The following EIF4EBP2 variants were observed in gnomAD, a reference collection of about 807,000 sequenced individuals.
EIF4EBP2 encodes the protein eukaryotic translation initiation factor 4E binding protein 2, also known as eukaryotic translation initiation factor 4E-binding protein 2.
EIF4EBP2 carries 5 observed loss-of-function variants against 10.3 expected under a neutral mutation model. That is an observed-to-expected ratio of 0.48 (90% CI 0.25 to 1.02). The LOEUF is 1.02. Among genes scored for constraint, EIF4EBP2 ranks in the 50% least tolerant of loss-of-function variants. The pLI is 0.15. For missense variants in EIF4EBP2, 188 were observed against 162.2 expected, an observed-to-expected ratio of 1.16 and a Z score of -0.86; for synonymous variants, 67 against 61.1, an observed-to-expected ratio of 1.10 and a Z score of -0.45.
rs917063020 is a variant in EIF4EBP2, at chr10:70,425,051, T to C, written c.*3304T>C. The C allele has an allele frequency of 6.6e-6, 1 of 152,248 alleles. No homozygotes were observed. Among genetic ancestry groups the C allele is most frequent in the Non-Finnish European group, 1.5e-5 (1 of 68,044 alleles). The allele number at this position is 152,248 out of a possible 1,614,324, so 9.4% of individuals were successfully genotyped here. The stretch of plus-strand genomic sequence containing the variant: ...GGTTCTGGCCCATGGTATCATGAAG[T>C]TACAGTCAAGATTGAACAGGGGCTG... On this transcript the variant is annotated 3_prime_UTR_variant, in exon 3 of 3. Coordinates refer to ENST00000373218, the MANE Select transcript of EIF4EBP2 (RefSeq NM_004096.5).
chr10:70,426,270 C>A lies in EIF4EBP2; in HGVS notation c.*4523C>A, dbSNP rs1174307022. On this transcript the variant is annotated 3_prime_UTR_variant, in exon 3 of 3. Transcript: ENST00000373218. ...TATCTTTTTCTTTCTTTCTTTCTTT[C>A]TTTTTTTCTGAGACAAGAGTTGCGC... 2 of 151,688 alleles carry A rather than the reference C, an allele frequency of 1.3e-5. No individual in the cohort carries two copies. Among genetic ancestry groups the A allele is most frequent in the Non-Finnish European group, 2.9e-5 (2 of 67,970 alleles). 9.4% of individuals were successfully genotyped at this position (151,688 alleles called of 1,614,324 possible).
At chr10:70,419,808 T>A (rs1845135347) in intron 1 of EIF4EBP2, 106 bp from the exon 2 acceptor site, 1 of 860,222 alleles carries the variant, frequency 1.2e-6, no homozygotes, top group Non-Finnish European at 1.8e-6. Flanking sequence ...AATTGTAAAA[T>A]CCTTAAAAGT....
Position 70,404,274 on chromosome 10 carries a change from G to T in EIF4EBP2, c.-128G>T. On this transcript the variant is annotated 5_prime_UTR_variant, in exon 1 of 3. Transcript: ENST00000373218. ...GGCGGCGGGAGCGGAGCGGGACGAG[G>T]GAACGGGAGGAAGCGAGCGAGGAGC... 8.1e-7 allele frequency: 1 copy of T among 1,229,610 alleles called. No homozygotes were observed. The highest frequency in any genetic ancestry group is 1.1e-6 in the Non-Finnish European group (1 of 941,932). 76.2% of individuals were successfully genotyped at this position (1,229,610 alleles called of 1,614,324 possible).
At chr10:70,412,814 C>T (rs1366219335) in intron 1 of EIF4EBP2, among the ~76,000 whole-genome samples, 2 of 152,066 alleles carry the variant, frequency 1.3e-5, no homozygotes, top group Admixed American at 1.3e-4. Flanking sequence ...AATATCTGGT[C>T]ACTAAGGGAT....
chr10:70,411,699 C>T (rs1405946555), intron 1 of EIF4EBP2, among the ~76,000 whole-genome samples: 3 of 152,166 alleles, frequency 2.0e-5, no homozygotes, highest in Non-Finnish European at 4.4e-5. Context: ...AGATGACCCT[C>T]TTGCCTCAGC....
At chr10:70,407,127 TGTTG>T (rs1283605400) in intron 1 of EIF4EBP2, among the ~76,000 whole-genome samples, 1 of 137,468 alleles carries the variant, frequency 7.3e-6, no homozygotes, top group African/African-American at 2.6e-5. Context: ...TTTTTTTTTT[TGTTG>T]TTGTTGATCA....
chr10:70,407,737 C>CCCCA (rs1844990768), intron 1 of EIF4EBP2, among the ~76,000 whole-genome samples: 1 of 143,398 alleles, frequency 7.0e-6, no homozygotes, highest in African/African-American at 2.6e-5. Context: ...CTGACCCCCC[C>CCCCA]CCCACCTCCC....
intron 2 of EIF4EBP2, among the ~76,000 whole-genome samples, chr10:70,420,357 G>A (rs1482186381): frequency 4.6e-5 from 7 of 151,998 alleles, no homozygotes; most frequent in Non-Finnish European, 7.4e-5. Context: ...CTGCCACCAC[G>A]CCTGGCAAAT....
Position 70,427,070 on chromosome 10 carries a change from C to T in EIF4EBP2, c.*5323C>T, listed in dbSNP as rs1174444270. 1.3e-5 allele frequency: 2 copies of T among 152,182 alleles called. No homozygotes were observed. The highest frequency in any genetic ancestry group is 4.8e-5 in the African/African-American group (2 of 41,444). 9.4% of individuals were successfully genotyped at this position (152,182 alleles called of 1,614,324 possible). A position where few individuals can be genotyped will look rare whatever the true frequency, so the allele number is the denominator to read the frequency against. ...GCTGCTTGAAGCCAGGGCTCTTAGC[C>T]CTTTGCATTCCCCTTGAGCGAGGAA... On this transcript the variant is annotated 3_prime_UTR_variant, in exon 3 of 3. Coordinates refer to ENST00000373218, the MANE Select transcript of EIF4EBP2 (RefSeq NM_004096.5).
Position 70,427,952 on chromosome 10 carries a change from G to A in EIF4EBP2, c.*6205G>A, listed in dbSNP as rs1845220520. On this transcript the variant is annotated 3_prime_UTR_variant, in exon 3 of 3. Coordinates refer to ENST00000373218, the MANE Select transcript of EIF4EBP2 (RefSeq NM_004096.5). Reference sequence around the variant, plus strand: ...CCCAAGTGTATCCCCTTTCTCTCCAGCTTAATCTTTTTTTTTTTTTTTTTT... The same window carrying A: ...CCCAAGTGTATCCCCTTTCTCTCCAACTTAATCTTTTTTTTTTTTTTTTTT... 2 of 145,240 alleles carry A rather than the reference G, an allele frequency of 1.4e-5. No homozygotes were observed. Among genetic ancestry groups the A allele is most frequent in the South Asian group, 4.5e-4 (2 of 4,450 alleles). The allele number at this position is 145,240 out of a possible 1,614,324, so 9.0% of individuals were successfully genotyped here. A position where few individuals can be genotyped will look rare whatever the true frequency, so the allele number is the denominator to read the frequency against.
chr10:70,413,447 GA>G (rs1413818216), intron 1 of EIF4EBP2, among the ~76,000 whole-genome samples: 2 of 151,866 alleles, frequency 1.3e-5, no homozygotes, highest in Non-Finnish European at 2.9e-5. Flanking sequence ...GCAACGTAAT[GA>G]GACCCCATCT....
At chr10:70,421,660 A>G (rs556437932) in intron 2 of EIF4EBP2, 56 bp from the exon 3 acceptor site, 1 of 1,516,142 alleles carries the variant, frequency 6.6e-7, no homozygotes, top group African/African-American at 1.4e-5. Context: ...GACAGTTAAA[A>G]CTGTTATGCT....
intron 1 of EIF4EBP2, 62 bp from the exon 2 acceptor site, chr10:70,419,852 G>A (rs540941233): frequency 8.1e-5 from 93 of 1,144,570 alleles, no homozygotes; most frequent in South Asian, 7.3e-4. Flanking sequence ...AAATTCCTGG[G>A]TGGTATTATA....
rs1844945272 is a variant in EIF4EBP2 at position 70,404,351 on chromosome 10, C to A, written c.-51C>A. On this transcript the variant is annotated 5_prime_UTR_variant, in exon 1 of 3. Coordinates refer to ENST00000373218, the MANE Select transcript of EIF4EBP2 (RefSeq NM_004096.5). Reference sequence around the variant, plus strand: ...TGAGGAGCCGAAGCAGCCCCGGCCCCGCCGCCGCCGCCTGCCCGCCGGACA... The same window carrying A: ...TGAGGAGCCGAAGCAGCCCCGGCCCAGCCGCCGCCGCCTGCCCGCCGGACA... 8.5e-6 allele frequency: 12 copies of A among 1,416,448 alleles called. No homozygotes were observed. The highest frequency in any genetic ancestry group is 1.5e-5 in the African/African-American group (1 of 66,334). The allele number at this position is 1,416,448 out of a possible 1,614,324, so 87.7% of individuals were successfully genotyped here. A position where few individuals can be genotyped will look rare whatever the true frequency, so the allele number is the denominator to read the frequency against.
In EIF4EBP2 at chr10:70,424,550, C is replaced by T. The variant is rs987751930; in HGVS notation, c.*2803C>T. The T allele has an allele frequency of 6.6e-6, 1 of 152,216 alleles. No homozygotes were observed. The highest frequency in any genetic ancestry group is 2.4e-5 in the African/African-American group (1 of 41,462). The allele number at this position is 152,216 out of a possible 1,614,324, so 9.4% of individuals were successfully genotyped here. A position where few individuals can be genotyped will look rare whatever the true frequency, so the allele number is the denominator to read the frequency against. ...TTTACCTCTGCATGTTTGGAGGGAA[C>T]CTCACAGATGAAACCCTTAATGAAT... On this transcript the variant is annotated 3_prime_UTR_variant, in exon 3 of 3. Coordinates refer to ENST00000373218, the MANE Select transcript of EIF4EBP2 (RefSeq NM_004096.5).
At chr10:70,408,771 T>G (rs1845010511) in intron 1 of EIF4EBP2, among the ~76,000 whole-genome samples, 1 of 152,244 alleles carries the variant, frequency 6.6e-6, no homozygotes, top group African/African-American at 2.4e-5. Context: ...CTGAACAGGT[T>G]TAAATTCTTG....
chr10:70,414,899 G>A (rs1845077757), intron 1 of EIF4EBP2, among the ~76,000 whole-genome samples: 1 of 151,900 alleles, frequency 6.6e-6, no homozygotes, highest in South Asian at 2.1e-4. Flanking sequence ...GGTCACGCTT[G>A]TTATCCCATC....
chr10:70,409,831 T>TA (rs753739721), intron 1 of EIF4EBP2, among the ~76,000 whole-genome samples: 2 of 152,238 alleles, frequency 1.3e-5, no homozygotes, highest in Non-Finnish European at 2.9e-5. Flanking sequence ...AGTATGCTGT[T>TA]ACCATAACAA....
At chr10:70,407,372 C>T (rs1844978865) in intron 1 of EIF4EBP2, among the ~76,000 whole-genome samples, 1 of 151,996 alleles carries the variant, frequency 6.6e-6, no homozygotes, top group African/African-American at 2.4e-5. Context: ...TTGCACCACC[C>T]TTAATCCATT....
Sources: gnomAD v4.1 joint callset for allele counts (sites outside exome capture counted in the v4.1 genomes callset) on GRCh38, gnomAD v4.1.1 for gene constraint, MANE v1.5 for transcripts, NCBI Gene and HGNC (gene_info 2026-07-23, HGNC 2026-07-21) for gene names.